DNAH11: variants seen among roughly 807,000 people sequenced by gnomAD.
The protein encoded by DNAH11 is dynein axonemal heavy chain 11, also known as axonemal beta dynein heavy chain 11.
Under a neutral mutation model 526.0 loss-of-function variants are expected in DNAH11, and 442 were observed. That is an observed-to-expected ratio of 0.84 (90% CI 0.78 to 0.91). The LOEUF (loss-of-function observed/expected upper bound fraction) is 0.91, where lower values mean the gene tolerates loss of function less well. Ranked by LOEUF, DNAH11 falls within the 40% of genes least tolerant of loss-of-function variation. The probability of loss-of-function intolerance (pLI) is 0.00; values close to 1 mark genes in which losing one functional copy is unlikely to be tolerated. For missense variants in DNAH11, 6,989 were observed against 5,448.7 expected, an observed-to-expected ratio of 1.28 and a Z score of -8.90; for synonymous variants, 2,461 against 1,935.9, an observed-to-expected ratio of 1.27 and a Z score of -7.12.
At chr7:21,887,258 T>C (rs1229602019) in intron 76 of DNAH11, among the ~76,000 whole-genome samples, 1 of 152,182 alleles carries the variant, frequency 6.6e-6, no homozygotes, top group Non-Finnish European at 1.5e-5. Flanking sequence ...ATAAATGAGT[T>C]TGCTCTCAGA....
intron 74 of DNAH11, among the ~76,000 whole-genome samples, chr7:21,876,706 AG>A (rs368713252): frequency 7.0e-4 from 106 of 152,346 alleles, no homozygotes; most frequent in African/African-American, 2.5e-3. Context: ...CAGGAGTTGC[AG>A]CCCCCATATC....
At chr7:21,670,867 C>CGTGTGTGT (rs59872330) in intron 30 of DNAH11, among the ~76,000 whole-genome samples, 90 of 147,184 alleles carry the variant, frequency 6.1e-4, no homozygotes, top group Non-Finnish European at 1.2e-3. Flanking sequence ...TAAGTGTGTA[C>CGTGTGTGT]GTGTGTGTGT....
chr7:21,543,521 G>A lies in DNAH11; in HGVS notation c.276G>A (p.Glu92=), dbSNP rs756156734. 4 of 1,609,772 alleles carry A rather than the reference G, an allele frequency of 2.5e-6. No individual in the cohort carries two copies. In the African/African-American group the frequency reaches 5.3e-5, roughly 21 times the overall value. Residue 92 remains glutamate (E), a synonymous_variant, in exon 1 of 82, where the codon GAG becomes GAA. Coordinates refer to ENST00000409508, the MANE Select transcript of DNAH11 (RefSeq NM_001277115.2). ...ESEDNRQVLG[E]FLESTSPACL... is the part of the protein sequence containing the mutation. ...AGGACAACCGGCAGGTTCTTGGGGA[G>A]TTTCTGGAAAGCACCAGCCCGGCTT... is the stretch of plus-strand genomic sequence containing the variant.
At chr7:21,685,267 C>T (rs62445279) in intron 32 of DNAH11, among the ~76,000 whole-genome samples, 35,991 of 151,940 alleles carry the variant, frequency 0.24, 4,267 homozygotes, top group African/African-American at 0.28. Flanking sequence ...AAGAGTCTAC[C>T]GTACGCATGC....
At position 21,543,665 on chromosome 7, in the gene DNAH11, C is replaced by T. The variant is rs561284095; in HGVS notation, c.351+69C>T. On this transcript the variant is annotated intron_variant, in intron 1 of 81. Coordinates refer to ENST00000409508, the MANE Select transcript of DNAH11 (RefSeq NM_001277115.2). ...ACCCAGGGGAGACAGCCCAGTCGCTCCCCTTTGGATTCCCGCGGGGCGCTC... is the reference window on the plus strand; with the variant it reads ...ACCCAGGGGAGACAGCCCAGTCGCTTCCCTTTGGATTCCCGCGGGGCGCTC... The T allele has an allele frequency of 2.7e-6, 4 of 1,491,554 alleles. No homozygotes were observed. The South Asian group carries it at 5.0e-5, about 19-fold the overall frequency. 92.4% of individuals were successfully genotyped at this position (1,491,554 alleles called of 1,614,324 possible).
rs930955988 is a variant in DNAH11 at position 21,628,078 on chromosome 7, T to C, written c.4501-7793T>C. 2.0e-5 allele frequency among the ~76,000 whole-genome samples: 3 copies of C among 152,202 alleles called. No homozygotes were observed. The East Asian group carries it at 5.8e-4, about 29-fold the overall frequency. ...TAAATGTGATTGCCTTCTTGATTTC[T>C]TTTTTCAAATGTTTTCTGTTGGTAC... On this transcript the variant is annotated intron_variant, in intron 25 of 81. Transcript: ENST00000409508.
In DNAH11 at chr7:21,738,730, G is replaced by T; in HGVS notation, c.7675G>T (p.Ala2559Ser). ...TCTTGAGAAACCCCTAGAGAAAAAA[G>T]CTGGTCATAACTATGGTCCTGGAGG... ...KILEKPLEKK[A>S]GHNYGPGGNK... The change falls in exon 47 of 82, where the codon GCT becomes TCT. Residue 2559 changes from alanine (A) to serine (S), a missense_variant. Coordinates refer to ENST00000409508, the MANE Select transcript of DNAH11 (RefSeq NM_001277115.2). 2 of 1,581,908 alleles carry T rather than the reference G, an allele frequency of 1.3e-6. No homozygotes were observed. The highest frequency in any genetic ancestry group is 1.7e-6 in the Non-Finnish European group (2 of 1,163,866).
Position 21,852,482 on chromosome 7 carries a change from C to G in DNAH11, c.10912C>G (p.His3638Asp), listed in dbSNP as rs776111425. Residue 3638 changes from histidine to aspartate, a missense_variant, in exon 67 of 82, where the codon CAC (histidine) becomes GAC (aspartate). By Grantham distance (81) the His-to-Asp change is moderately conservative (BLOSUM62 -1). Transcript: ENST00000409508. ...TTTTTATTAGTTGGTATTGACAAAGCACCAAAATGATTTTAAAATTGAGCT... is the reference window on the plus strand; with the variant it reads ...TTTTTATTAGTTGGTATTGACAAAGGACCAAAATGATTTTAAAATTGAGCT... ...LEKLKLVLTK[H>D]QNDFKIELKY... 1 of 1,611,714 alleles carries G rather than the reference C, an allele frequency of 6.2e-7. No homozygotes were observed. Among genetic ancestry groups the G allele is most frequent in the East Asian group, 2.2e-5 (1 of 44,768 alleles).
chr7:21,600,033 C>G lies in DNAH11; in HGVS notation c.2914C>G (p.Leu972Val). Residue 972 changes from leucine to valine, a missense_variant, in exon 15 of 82, where the codon CTT becomes GTT. By Grantham distance (32) the Leu-to-Val change is conservative (BLOSUM62 1). Transcript: ENST00000409508. ...DREAGDGFYD[L>V]VEEMLCNSFR... Reference sequence around the variant, plus strand: ...AGAGGCTGGGGATGGCTTCTATGATCTTGTAGAAGAAATGTTATGCAATAG... The same window carrying G: ...AGAGGCTGGGGATGGCTTCTATGATGTTGTAGAAGAAATGTTATGCAATAG... 1 of 1,610,340 alleles carries G rather than the reference C, an allele frequency of 6.2e-7. No individual in the cohort carries two copies. Among genetic ancestry groups the G allele is most frequent in the African/African-American group, 1.3e-5 (1 of 74,900 alleles).
intron 56 of DNAH11, among the ~76,000 whole-genome samples, chr7:21,778,044 A>G (rs964417895): frequency 6.6e-6 from 1 of 152,136 alleles, no homozygotes; most frequent in African/African-American, 2.4e-5. Context: ...AATTATTGTG[A>G]TGTGTAAAGC....
intron 62 of DNAH11, among the ~76,000 whole-genome samples, chr7:21,804,374 G>T (rs1789154701): frequency 6.6e-6 from 1 of 152,174 alleles, no homozygotes; most frequent in Non-Finnish European, 1.5e-5. Context: ...CTCCCAAAGT[G>T]CTGGGATTAC....
At position 21,543,612 on chromosome 7, in the gene DNAH11, C is replaced by G; in HGVS notation, c.351+16C>G. ...TTCCCAGGAGGTAAGAGGCGACGGG[C>G]AAGGGGACCTGCCCATCCAACAAAA... On this transcript the variant is annotated intron_variant, in intron 1 of 81. Coordinates refer to ENST00000409508, the MANE Select transcript of DNAH11 (RefSeq NM_001277115.2). The G allele has an allele frequency of 6.4e-7, 1 of 1,571,700 alleles. No homozygotes were observed. Among genetic ancestry groups the G allele is most frequent in the Non-Finnish European group, 8.6e-7 (1 of 1,158,006 alleles).
intron 28 of DNAH11, among the ~76,000 whole-genome samples, chr7:21,647,447 T>C (rs1039905068): frequency 2.7e-5 from 4 of 147,762 alleles, no homozygotes; most frequent in African/African-American, 1.0e-4. Flanking sequence ...TTTTTTTTTT[T>C]GAGACAGAGT....
intron 2 of DNAH11, among the ~76,000 whole-genome samples, chr7:21,547,683 A>G (rs188053262): frequency 8.5e-5 from 13 of 152,226 alleles, no homozygotes; most frequent in Middle Eastern, 3.4e-3. Flanking sequence ...ATGACTTTCT[A>G]CATGCATGAG....
In DNAH11 at chr7:21,687,208, G is replaced by GGCATGAT; in HGVS notation, c.5733_5739dup (p.Val1914HisfsTer22). Reference sequence around the variant, plus strand: ...CACCAAAGACCTAGGACGTGCCCTTGGCATGATGGTCTATGTATTCAACTG... The same window carrying GGCATGAT: ...CACCAAAGACCTAGGACGTGCCCTTGGCATGATGCATGATGGTCTATGTATTCAACTG... On this transcript the variant is annotated frameshift_variant, in exon 33 of 82. Coordinates refer to ENST00000409508, the MANE Select transcript of DNAH11 (RefSeq NM_001277115.2). LOFTEE classifies it high-confidence loss of function. 1 of 1,607,938 alleles carries GGCATGAT rather than the reference G, an allele frequency of 6.2e-7. No individual in the cohort carries two copies. The highest frequency in any genetic ancestry group is 8.5e-7 in the Non-Finnish European group (1 of 1,177,494).
chr7:21,879,685 C>G (rs1416850077), intron 74 of DNAH11, among the ~76,000 whole-genome samples: 2 of 152,148 alleles, frequency 1.3e-5, no homozygotes, highest in African/African-American at 4.8e-5. Context: ...TATTAGGCAG[C>G]TTTGTTCCAT....
Position 21,549,075 on chromosome 7 carries a change from C to T in DNAH11, c.495+3926C>T, listed in dbSNP as rs141276402. Among the ~76,000 whole-genome samples the T allele has an allele frequency of 4.6e-3, 696 of 152,204 alleles. 10 individuals carry two copies. The highest frequency in any genetic ancestry group is 0.015 in the African/African-American group (628 of 41,524). Reference sequence around the variant, plus strand: ...TGTATTTTTAGTAGAGACAGGGTTTCGCCATGTTGGCCAGGCTGGTCTCGA... The same window carrying T: ...TGTATTTTTAGTAGAGACAGGGTTTTGCCATGTTGGCCAGGCTGGTCTCGA... On this transcript the variant is annotated intron_variant, in intron 2 of 81. Transcript: ENST00000409508.
At chr7:21,739,735 G>C in intron 48 of DNAH11, 62 bp downstream of exon 48, 1 of 1,283,800 alleles carries the variant, frequency 7.8e-7, no homozygotes, top group Non-Finnish European at 1.1e-6. Context: ...TTCGAGTACA[G>C]CTTAGGATTC....
chr7:21,600,649 T>C (rs756568324), intron 15 of DNAH11, 27 bp from the exon 16 acceptor site: 13 of 1,562,582 alleles, frequency 8.3e-6, no homozygotes, highest in Non-Finnish European at 1.1e-5. Flanking sequence ...GTTTGAATAG[T>C]AAGTGCTGTG....
Sources: gnomAD v4.1 joint callset for allele counts (sites outside exome capture counted in the v4.1 genomes callset) on GRCh38, gnomAD v4.1.1 for gene constraint, MANE v1.5 for transcripts, NCBI Gene and HGNC (gene_info 2026-07-23, HGNC 2026-07-21) for gene names.